The following NMNAT3 variants were observed in gnomAD, a reference collection of about 807,000 sequenced individuals.
The protein encoded by NMNAT3 is nicotinamide nucleotide adenylyltransferase 3.
NMNAT3 carries 21 observed loss-of-function variants against 24.8 expected under a neutral mutation model. That is an observed-to-expected ratio of 0.85 (90% confidence interval 0.60 to 1.22). NMNAT3 has a LOEUF of 1.22. Ranked by LOEUF, NMNAT3 falls within the 50% of genes most tolerant of loss-of-function variation. NMNAT3 has a pLI of 0.00. For synonymous variants in NMNAT3, 136 were observed against 155.2 expected, an observed-to-expected ratio of 0.88 and a Z score of 0.92; for missense variants, 387 against 436.6, an observed-to-expected ratio of 0.89 and a Z score of 1.01.
intron 6 of NMNAT3, among the ~76,000 whole-genome samples, chr3:139,562,114 G>A (rs1936486766): frequency 6.7e-6 from 1 of 149,638 alleles, no homozygotes; most frequent in Non-Finnish European, 1.5e-5. Context: ...AATACCATAT[G>A]CACCCCAGAA....
At chr3:139,609,241 G>A (rs140118138) in intron 3 of NMNAT3, among the ~76,000 whole-genome samples, 1 of 152,204 alleles carries the variant, frequency 6.6e-6, no homozygotes, top group South Asian at 2.1e-4. Context: ...ATTTCTCTGG[G>A]ATAAATGCCT....
chr3:139,669,010 G>T (rs953457474), intron 1 of NMNAT3, among the ~76,000 whole-genome samples: 1 of 152,152 alleles, frequency 6.6e-6, no homozygotes, highest in Non-Finnish European at 1.5e-5. Context: ...TATTGAACTT[G>T]CTACGTGATT....
At chr3:139,588,822 T>C (rs1417358539) in intron 3 of NMNAT3, among the ~76,000 whole-genome samples, 1 of 152,104 alleles carries the variant, frequency 6.6e-6, no homozygotes, top group Non-Finnish European at 1.5e-5. Context: ...GGAGGGGAAG[T>C]AACATCTTTA....
chr3:139,668,248 T>C (rs1358418491), intron 1 of NMNAT3, among the ~76,000 whole-genome samples: 2 of 152,180 alleles, frequency 1.3e-5, no homozygotes, highest in Non-Finnish European at 2.9e-5. Flanking sequence ...ACTGAAAATA[T>C]GGACAGAGAA....
In NMNAT3 at chr3:139,561,338, G is replaced by T. The variant is rs757796504; in HGVS notation, c.713C>A (p.Thr238Asn). The stretch of plus-strand genomic sequence containing the variant: ...GTGCGCATCCTTCCAGAGGTTGGGG[G>T]TCTGGAAGGTCTTCAAGACGTCTGC... The change falls in exon 7 of 7, where the codon ACC becomes AAC. Residue 238 changes from threonine to asparagine, a missense_variant. Physicochemically the swap from Thr to Asn is moderately conservative, Grantham distance 65. Around this residue, in one of 3 missense-constraint regions of NMNAT3, gnomAD observed 323 missense variants for 345.2 expected, o/e 0.94. Coordinates refer to ENST00000643695, the MANE Select transcript of NMNAT3 (RefSeq NM_001320510.2). The T allele has an allele frequency of 2.5e-6, 4 of 1,613,988 alleles. No homozygotes were observed. The East Asian group carries it at 6.7e-5, about 27-fold the overall frequency.
intron 1 of NMNAT3, among the ~76,000 whole-genome samples, chr3:139,652,253 T>C (rs1377966342): frequency 1.3e-5 from 2 of 152,200 alleles, no homozygotes; most frequent in East Asian, 3.9e-4. Flanking sequence ...ACCCAGATGA[T>C]CAACATCACT....
rs1434544726 is a variant in NMNAT3 at position 139,575,937 on chromosome 3, C to A, written c.576-2257G>T. 3.1e-6 allele frequency: 4 copies of A among 1,288,624 alleles called. No homozygotes were observed. In the South Asian group the frequency reaches 4.9e-5, roughly 16 times the overall value. The allele number at this position is 1,288,624 out of a possible 1,614,324, so 79.8% of individuals were successfully genotyped here. On this transcript the variant is annotated intron_variant, in intron 5 of 6. Transcript: ENST00000643695. Reference sequence around the variant, plus strand: ...CAGAGCTCCACAGATGGGAGCTCCACGTCCTATTTGTGTGTGACCGTGATT... The same window carrying A: ...CAGAGCTCCACAGATGGGAGCTCCAAGTCCTATTTGTGTGTGACCGTGATT...
At chr3:139,622,907 G>A (rs937790763) in intron 3 of NMNAT3, among the ~76,000 whole-genome samples, 1 of 146,782 alleles carries the variant, frequency 6.8e-6, no homozygotes, top group Admixed American at 6.9e-5. Flanking sequence ...GAATGGAGCT[G>A]CAGGACTGGA....
At chr3:139,647,766 C>T (rs1337037215) in intron 1 of NMNAT3, among the ~76,000 whole-genome samples, 1 of 152,150 alleles carries the variant, frequency 6.6e-6, no homozygotes. Flanking sequence ...CTGCTGATGC[C>T]TTGGTTTTGG....
At chr3:139,662,098 C>T (rs1312949245) in intron 1 of NMNAT3, among the ~76,000 whole-genome samples, 1 of 152,192 alleles carries the variant, frequency 6.6e-6, no homozygotes, top group Non-Finnish European at 1.5e-5. Context: ...GGAGGGAGCA[C>T]TTCCTCTAGC....
chr3:139,666,273 G>A (rs1378701598), intron 1 of NMNAT3, among the ~76,000 whole-genome samples: 1 of 152,106 alleles, frequency 6.6e-6, no homozygotes, highest in African/African-American at 2.4e-5. Flanking sequence ...AGACTTTTGA[G>A]GGTAGACCAT....
chr3:139,596,916 G>GTGTGTATATATATATATATATATA (rs1393197797), intron 3 of NMNAT3, among the ~76,000 whole-genome samples: 1 of 97,164 alleles, frequency 1.0e-5, no homozygotes, highest in Non-Finnish European at 2.1e-5. Flanking sequence ...TGTCATGTGT[G>GTGTGTATATATATATATATATATA]TATATATATA....
chr3:139,613,406 A>G (rs1274887080), intron 3 of NMNAT3, among the ~76,000 whole-genome samples: 1 of 152,250 alleles, frequency 6.6e-6, no homozygotes, highest in Non-Finnish European at 1.5e-5. Flanking sequence ...ACTGGCCATC[A>G]GAGAAATGCA....
chr3:139,573,782 G>A (rs1394783393), intron 5 of NMNAT3, 102 bp from the exon 6 acceptor site: 6 of 588,516 alleles, frequency 1.0e-5, no homozygotes, highest in Non-Finnish European at 1.8e-5. Flanking sequence ...ATCTACTTTA[G>A]TTCACTCATT....
chr3:139,611,419 C>A (rs1559907754), intron 3 of NMNAT3, among the ~76,000 whole-genome samples: 1 of 152,056 alleles, frequency 6.6e-6, no homozygotes, highest in Non-Finnish European at 1.5e-5. Context: ...ATATATTATT[C>A]CTAATTCACA....
chr3:139,618,112 TGTAAA>T (rs1365285663), intron 3 of NMNAT3, among the ~76,000 whole-genome samples: 2 of 152,152 alleles, frequency 1.3e-5, no homozygotes, highest in African/African-American at 2.4e-5. Context: ...AGAACCACAC[TGTAAA>T]GTAGAGAAAA....
At chr3:139,582,340 T>G (rs1429608911) in intron 4 of NMNAT3, among the ~76,000 whole-genome samples, 2 of 151,572 alleles carry the variant, frequency 1.3e-5, no homozygotes, top group African/African-American at 2.4e-5. Context: ...ATATTCTTAT[T>G]CTTAGAAAAT....
intron 1 of NMNAT3, among the ~76,000 whole-genome samples, chr3:139,643,301 T>C (rs1230391306): frequency 3.3e-5 from 5 of 152,204 alleles, no homozygotes; most frequent in African/African-American, 1.2e-4. Flanking sequence ...GAAAACAGTA[T>C]GGAGGTTCCT....
At chr3:139,673,188 G>C (rs1391556958) in intron 1 of NMNAT3, among the ~76,000 whole-genome samples, 1 of 152,168 alleles carries the variant, frequency 6.6e-6, no homozygotes, top group Non-Finnish European at 1.5e-5. Flanking sequence ...AAGGGAAAAG[G>C]CTCCAGTGCC....
Sources: allele counts gnomAD v4.1 joint callset (sites outside exome capture counted in the v4.1 genomes callset), GRCh38; gene constraint gnomAD v4.1.1; regional missense constraint gnomAD v4.1.1; transcripts MANE v1.5; gene names NCBI Gene and HGNC (gene_info 2026-07-23, HGNC 2026-07-21).